The following REV3L variants were observed in gnomAD, a reference collection of about 807,000 sequenced individuals.
REV3L encodes the protein REV3 like, DNA directed polymerase zeta catalytic subunit.
REV3L carries 69 observed loss-of-function variants against 299.4 expected under a neutral mutation model. The observed-to-expected ratio is 0.23, with a 90% confidence interval of 0.19 to 0.28. REV3L has a LOEUF of 0.28. Among genes scored for constraint, REV3L ranks in the 10% least tolerant of loss-of-function variants. The pLI, the probability that REV3L is intolerant of heterozygous loss-of-function variation, is 1.00. For synonymous variants in REV3L, 1,238 were observed against 1,271.4 expected (o/e 0.97, Z 0.56); for missense variants, 3,128 against 3,693.8 (o/e 0.85, Z 3.97).
chr6:111,469,504 A>G (rs1393006034), intron 1 of REV3L, among the ~76,000 whole-genome samples: 1 of 152,160 alleles, frequency 6.6e-6, no homozygotes, highest in East Asian at 1.9e-4. Flanking sequence ...TGGCCCCCTA[A>G]TTAGCCCCAC....
At chr6:111,454,725 G>A (rs780651256) in intron 1 of REV3L, among the ~76,000 whole-genome samples, 7 of 152,110 alleles carry the variant, frequency 4.6e-5, no homozygotes, top group African/African-American at 1.7e-4. Flanking sequence ...GGAGTGCAAC[G>A]GCACGATCTC....
chr6:111,428,291 T>C (rs927169055), intron 1 of REV3L, among the ~76,000 whole-genome samples: 3 of 152,038 alleles, frequency 2.0e-5, no homozygotes, highest in Non-Finnish European at 4.4e-5. Flanking sequence ...TATAAGGAAA[T>C]TCAGTAACTT....
intron 1 of REV3L, among the ~76,000 whole-genome samples, chr6:111,469,192 A>G (rs1791882541): frequency 6.6e-6 from 1 of 152,050 alleles, no homozygotes; most frequent in Non-Finnish European, 1.5e-5. Context: ...AAAACAAAAC[A>G]AACCTGGATG....
intron 1 of REV3L, among the ~76,000 whole-genome samples, chr6:111,466,493 A>G (rs1039342016): frequency 2.0e-5 from 3 of 152,210 alleles, no homozygotes; most frequent in Non-Finnish European, 2.9e-5. Context: ...TCAGGAGGGA[A>G]AATTACTGTA....
At chr6:111,301,663 T>C (rs1396209933) in intron 31 of REV3L, among the ~76,000 whole-genome samples, 1 of 152,226 alleles carries the variant, frequency 6.6e-6, no homozygotes, top group Non-Finnish European at 1.5e-5. Context: ...GAATCTGTAC[T>C]TCTTAAGGCT....
chr6:111,408,959 A>G (rs911566132), intron 3 of REV3L, among the ~76,000 whole-genome samples: 1 of 152,226 alleles, frequency 6.6e-6, no homozygotes, highest in Admixed American at 6.5e-5. Flanking sequence ...TGCTGGAATT[A>G]CAAGTGTGAG....
At position 111,376,367 on chromosome 6, in the gene REV3L, T is replaced by A. The variant is rs775319939; in HGVS notation, c.1988A>T (p.Glu663Val). The part of the protein sequence containing the change: ...SSCESSIFDY[E>V]EDIPSVTRQV... ...TCTTGTAACAGATGGAATATCTTCT[T>A]CATAATCAAAAATACTACTTTCACA... Residue 663 changes from glutamate (E) to valine (V), a missense_variant, in exon 13 of 32, where the codon GAA (glutamate) becomes GTA (valine). Physicochemically the swap from Glu to Val is moderately radical, Grantham distance 121. Transcript: ENST00000368802. The A allele has an allele frequency of 4.3e-6, 7 of 1,612,460 alleles. No individual in the cohort carries two copies. The highest frequency in any genetic ancestry group is 5.9e-6 in the Non-Finnish European group (7 of 1,179,538).
intron 20 of REV3L, among the ~76,000 whole-genome samples, chr6:111,344,725 G>C (rs549411370): frequency 3.2e-4 from 49 of 152,266 alleles, no homozygotes; most frequent in Non-Finnish European, 4.4e-5. Flanking sequence ...ACAATGGCAG[G>C]TATTTCAATG....
At chr6:111,352,097 C>T (rs575172983) in intron 18 of REV3L, among the ~76,000 whole-genome samples, 1 of 151,842 alleles carries the variant, frequency 6.6e-6, no homozygotes, top group Non-Finnish European at 1.5e-5. Context: ...ACCTCTGCTT[C>T]CCAGGTTCAA....
At chr6:111,317,838 G>A (rs1773699782) in intron 26 of REV3L, among the ~76,000 whole-genome samples, 3 of 152,108 alleles carry the variant, frequency 2.0e-5, no homozygotes, top group Admixed American at 2.0e-4. Flanking sequence ...AAACTATATA[G>A]TATGTACTCT....
At chr6:111,450,073 A>G (rs187766427) in intron 1 of REV3L, among the ~76,000 whole-genome samples, 71 of 152,366 alleles carry the variant, frequency 4.7e-4, no homozygotes, top group Middle Eastern at 6.8e-3. Flanking sequence ...GAGGAAAAAT[A>G]TGAGTAGAAC....
At chr6:111,467,988 AGAG>A (rs1488532396) in intron 1 of REV3L, among the ~76,000 whole-genome samples, 5 of 152,182 alleles carry the variant, frequency 3.3e-5, no homozygotes, top group Non-Finnish European at 7.3e-5. Context: ...TAAGTTACAC[AGAG>A]TATTTTCCAT....
At chr6:111,366,435 A>C (rs1324252929) in intron 14 of REV3L, among the ~76,000 whole-genome samples, 1 of 152,192 alleles carries the variant, frequency 6.6e-6, no homozygotes, top group Non-Finnish European at 1.5e-5. Context: ...ACCAAGCCTT[A>C]ATAAACTCCA....
chr6:111,358,744 A>G (rs1582669646), intron 17 of REV3L, 78 bp downstream of exon 17: 1 of 1,136,656 alleles, frequency 8.8e-7, no homozygotes, highest in African/African-American at 1.5e-5. Flanking sequence ...CTTAGATTAG[A>G]TCTTCAGCAC....
At chr6:111,348,644 C>T (rs1777263381) in intron 20 of REV3L, among the ~76,000 whole-genome samples, 1 of 152,090 alleles carries the variant, frequency 6.6e-6, no homozygotes, top group Non-Finnish European at 1.5e-5. Context: ...TCAACATGTA[C>T]AACACAATAT....
chr6:111,372,540 T>C, intron 13 of REV3L, 56 bp downstream of exon 13: 1 of 1,312,442 alleles, frequency 7.6e-7, no homozygotes, highest in Non-Finnish European at 1.0e-6. Context: ...CCCCATAGCA[T>C]AATTTTATAT....
chr6:111,341,874 G>A (rs1164252809), intron 21 of REV3L, among the ~76,000 whole-genome samples: 1 of 152,146 alleles, frequency 6.6e-6, no homozygotes, highest in South Asian at 2.1e-4. Context: ...GGGGTTGAGT[G>A]TGGGCAGAAA....
intron 1 of REV3L, among the ~76,000 whole-genome samples, chr6:111,450,324 A>T (rs372352120): frequency 8.6e-5 from 13 of 151,932 alleles, no homozygotes; most frequent in African/African-American, 3.1e-4. Context: ...ACTAAAAATT[A>T]AAAAATTAGC....
intron 26 of REV3L, chr6:111,315,593 A>G (rs1464969838): frequency 9.3e-6 from 5 of 538,476 alleles, no homozygotes; most frequent in Admixed American, 3.1e-5. Flanking sequence ...AAGACATCCA[A>G]TATTTCTAAC....
Sources: allele counts gnomAD v4.1 joint callset (sites outside exome capture counted in the v4.1 genomes callset), GRCh38; gene constraint gnomAD v4.1.1; transcripts MANE v1.5; gene names NCBI Gene and HGNC (gene_info 2026-07-23, HGNC 2026-07-21).